Variants in NOMO3 observed in about 807,000 individuals in gnomAD.
The protein encoded by NOMO3 is BOS complex subunit NOMO3.
In NOMO3, 15 loss-of-function variants were observed where a neutral mutation model predicts 69.9. That is an observed-to-expected ratio of 0.21 (90% CI 0.14 to 0.33). NOMO3 has a LOEUF of 0.33. Among genes scored for constraint, NOMO3 ranks in the 10% least tolerant of loss-of-function variants. NOMO3 has a pLI of 1.00. For synonymous variants in NOMO3, 89 were observed against 301.9 expected, an observed-to-expected ratio of 0.29 and a Z score of 7.31; for missense variants, 218 against 761.0, an observed-to-expected ratio of 0.29 and a Z score of 8.39.
At chr16:16,248,945 C>CT in intron 6 of NOMO3, among the ~76,000 whole-genome samples, 2 of 147,316 alleles carry the variant, frequency 1.4e-5, no homozygotes, top group South Asian at 2.2e-4. Context: ...TTTAGCATAT[C>CT]TTTTTTTGTT....
intron 9 of NOMO3, among the ~76,000 whole-genome samples, chr16:16,254,586 C>G (rs1270393455): frequency 7.0e-6 from 1 of 142,504 alleles, no homozygotes; most frequent in Non-Finnish European, 1.5e-5. Flanking sequence ...TGCACACATT[C>G]ATTCATTCAG....
At chr16:16,265,318 G>T (rs551415473) in intron 15 of NOMO3, 139 bp downstream of exon 15, 3 of 1,526,648 alleles carry the variant, frequency 2.0e-6, no homozygotes, top group Non-Finnish European at 2.6e-6. Flanking sequence ...CACCTGTTAC[G>T]CAACGCATAA....
intron 1 of NOMO3, among the ~76,000 whole-genome samples, chr16:16,234,200 A>G (rs1013975109): frequency 6.6e-6 from 1 of 151,480 alleles, no homozygotes; most frequent in Non-Finnish European, 1.5e-5. Flanking sequence ...TGCACTGGGG[A>G]CAGGACACGT....
At chr16:16,240,788 C>T (rs1269638888) in intron 3 of NOMO3, among the ~76,000 whole-genome samples, 1 of 142,704 alleles carries the variant, frequency 7.0e-6, no homozygotes, top group Non-Finnish European at 1.5e-5. Context: ...AAGAATTTAG[C>T]ACCTGCCATC....
rs745319461 is a variant in NOMO3, at chr16:16,288,184, GAAACAAAACAAAACA to G, written c.3444+344_3444+358del. ...ACAGAGTGAGACCCTTTCTCCAGAAGAAACAAAACAAAACAAAACAAAACAAAACAAAACAATCCA... is the reference window on the plus strand; with the variant it reads ...ACAGAGTGAGACCCTTTCTCCAGAAGAAACAAAACAAAACAAAACAATCCA... On this transcript the variant is annotated intron_variant, in intron 29 of 30. Coordinates refer to ENST00000399336, the MANE Select transcript of NOMO3 (RefSeq NM_001004067.4). Among the ~76,000 whole-genome samples, 14 of 93,874 alleles carry G rather than the reference GAAACAAAACAAAACA, an allele frequency of 1.5e-4. 1 individual carries two copies. Among genetic ancestry groups the G allele is most frequent in the African/African-American group, 6.3e-4 (12 of 19,170 alleles). The allele number at this position is 93,874 out of a possible 152,430, so 61.6% of individuals were successfully genotyped here.
Position 16,237,293 on chromosome 16 carries a change from A to T in NOMO3, c.255+303A>T. On this transcript the variant is annotated intron_variant, in intron 2 of 30. Transcript: ENST00000399336. ...CCAGGCGTGGAGCTAAATGTGCTAC[A>T]GTGCTGCCTACGACAGCCCAGATGT... Among the ~76,000 whole-genome samples, 2 of 144,420 alleles carry T rather than the reference A, an allele frequency of 1.4e-5. 1 individual carries two copies. The highest frequency in any genetic ancestry group is 4.5e-4 in the East Asian group (2 of 4,456). The allele number at this position is 144,420 out of a possible 152,430, so 94.7% of individuals were successfully genotyped here. A position where few individuals can be genotyped will look rare whatever the true frequency, so the allele number is the denominator to read the frequency against.
intron 16 of NOMO3, 84 bp from the exon 17 acceptor site, chr16:16,270,037 G>A: frequency 6.4e-7 from 1 of 1,569,096 alleles, no homozygotes; most frequent in East Asian, 2.6e-5. Flanking sequence ...CATGCAAAGA[G>A]CTGCCACTCG....
intron 15 of NOMO3, among the ~76,000 whole-genome samples, chr16:16,266,281 G>A (rs150272825): frequency 0.01 from 1,364 of 131,234 alleles, 190 homozygotes; most frequent in Admixed American, 0.087. Flanking sequence ...AGGTCGATTT[G>A]TTATAGGAGA....
intron 3 of NOMO3, among the ~76,000 whole-genome samples, chr16:16,242,838 T>C (rs1255811308): frequency 7.0e-6 from 1 of 143,124 alleles, no homozygotes; most frequent in Non-Finnish European, 1.5e-5. Context: ...GGAAATAAAA[T>C]TATTTGGTGC....
At chr16:16,235,426 A>C (rs1004219611) in intron 1 of NOMO3, among the ~76,000 whole-genome samples, 2 of 149,118 alleles carry the variant, frequency 1.3e-5, no homozygotes, top group Non-Finnish European at 2.9e-5. Flanking sequence ...CCTTGAGCCC[A>C]GTATGTTCCC....
chr16:16,262,861 C>T (rs1224992471), intron 12 of NOMO3, among the ~76,000 whole-genome samples: 1 of 141,874 alleles, frequency 7.0e-6, no homozygotes, highest in Non-Finnish European at 1.5e-5. Flanking sequence ...ACACATCGGT[C>T]TGTTGAGGCT....
In NOMO3 at chr16:16,232,681, G is replaced by C. The variant is rs936063009; in HGVS notation, c.15G>C (p.Gln5His). 4.3e-5 allele frequency: 37 copies of C among 869,726 alleles called. No homozygotes were observed. Among genetic ancestry groups the C allele is most frequent in the Non-Finnish European group, 4.9e-5 (33 of 671,604 alleles). 53.9% of individuals were successfully genotyped at this position (869,726 alleles called of 1,614,324 possible). A position where few individuals can be genotyped will look rare whatever the true frequency, so the allele number is the denominator to read the frequency against. ...GAGGTCGGGCCATGCTGGTGGGCCAGGGCGCGGGGCCGCTGGGGCCCGCGG... is the reference window on the plus strand; with the variant it reads ...GAGGTCGGGCCATGCTGGTGGGCCACGGCGCGGGGCCGCTGGGGCCCGCGG... MLVGQGAGPLGPAVV... is the reference protein window; with the variant it reads MLVGHGAGPLGPAVV... The change falls in exon 1 of 31, where the codon CAG becomes CAC. Residue 5 changes from glutamine (Q) to histidine (H), a missense_variant. Coordinates refer to ENST00000399336, the MANE Select transcript of NOMO3 (RefSeq NM_001004067.4).
chr16:16,274,198 C>G, intron 20 of NOMO3, 123 bp downstream of exon 20: 3 of 879,126 alleles, frequency 3.4e-6, no homozygotes, highest in South Asian at 3.2e-5. Context: ...TACATCCTCT[C>G]TGGCACACAG....
At chr16:16,235,356 A>G (rs1353330265) in intron 1 of NOMO3, among the ~76,000 whole-genome samples, 1 of 148,410 alleles carries the variant, frequency 6.7e-6, no homozygotes, top group Non-Finnish European at 1.5e-5. Context: ...GCTTCCTTTT[A>G]CAGACATGGA....
chr16:16,254,444 C>G lies in NOMO3; in HGVS notation c.964-1276C>G, dbSNP rs188418024. Among the ~76,000 whole-genome samples the G allele has an allele frequency of 9.1e-4, 128 of 141,142 alleles. 21 individuals carry two copies. Among genetic ancestry groups the G allele is most frequent in the African/African-American group, 3.7e-3 (122 of 33,298 alleles). The allele number at this position is 141,142 out of a possible 152,430, so 92.6% of individuals were successfully genotyped here. ...GGAAAGATCAATAAGGACTACCTGT[C>G]ATGTGAGACCATCACTAAGAAACCA... is the stretch of plus-strand genomic sequence containing the variant. On this transcript the variant is annotated intron_variant, in intron 9 of 30. Coordinates refer to ENST00000399336, the MANE Select transcript of NOMO3 (RefSeq NM_001004067.4).
rs2049507384 is a variant in NOMO3, at chr16:16,255,894, G to T, written c.1069+69G>T. ...TTGGATCACAGAGAGAAATGGAGAGGAACTGATGACTATATGAGAACATGG... is the reference window on the plus strand; with the variant it reads ...TTGGATCACAGAGAGAAATGGAGAGTAACTGATGACTATATGAGAACATGG... On this transcript the variant is annotated intron_variant, in intron 10 of 30. Coordinates refer to ENST00000399336, the MANE Select transcript of NOMO3 (RefSeq NM_001004067.4). 6.1e-6 allele frequency: 9 copies of T among 1,470,500 alleles called. 1 individual carries two copies. In the Middle Eastern group the frequency reaches 1.2e-3, roughly 203 times the overall value. 91.1% of individuals were successfully genotyped at this position (1,470,500 alleles called of 1,614,324 possible). A position where few individuals can be genotyped will look rare whatever the true frequency, so the allele number is the denominator to read the frequency against.
In NOMO3 at chr16:16,235,512, C is replaced by T. The variant is rs1369519854; in HGVS notation, c.166-1389C>T. ...GATACAAACTGCTTTTTCCATTTTA[C>T]TTATTTTATTTTGTTTTATTTTGAG... On this transcript the variant is annotated intron_variant, in intron 1 of 30. Transcript: ENST00000399336. Among the ~76,000 whole-genome samples, 8 of 147,900 alleles carry T rather than the reference C, an allele frequency of 5.4e-5. No individual in the cohort carries two copies. The East Asian group carries it at 1.7e-3, about 31-fold the overall frequency.
intron 7 of NOMO3, 32 bp from the exon 8 acceptor site, chr16:16,251,930 AG>A: frequency 2.7e-6 from 3 of 1,121,288 alleles, no homozygotes; most frequent in Non-Finnish European, 3.7e-6. Context: ...TAAATGGAAA[AG>A]GAAGTCTTGT....
At chr16:16,237,164 G>A (rs1378462303) in intron 2 of NOMO3, among the ~76,000 whole-genome samples, 174 bp downstream of exon 2, 1 of 144,834 alleles carries the variant, frequency 6.9e-6, no homozygotes, top group Non-Finnish European at 1.5e-5. Flanking sequence ...CTGCCTTGAC[G>A]AATACAGTGG....
Sources: allele counts gnomAD v4.1 joint callset (sites outside exome capture counted in the v4.1 genomes callset), GRCh38; gene constraint gnomAD v4.1.1; transcripts MANE v1.5; gene names NCBI Gene and HGNC (gene_info 2026-07-23, HGNC 2026-07-21).